The following PDE1C variants were observed in gnomAD, a reference collection of about 807,000 sequenced individuals.
PDE1C encodes the protein dual specificity calcium/calmodulin-dependent 3',5'-cyclic nucleotide phosphodiesterase 1C.
PDE1C carries 62 observed loss-of-function variants against 93.1 expected under a neutral mutation model. The observed-to-expected ratio is 0.67, with a 90% CI of 0.54 to 0.82. The LOEUF is 0.82. PDE1C is among the 40% of genes least tolerant of loss of function. The probability of loss-of-function intolerance (pLI) is 0.00; values close to 1 mark genes in which losing one functional copy is unlikely to be tolerated. For synonymous variants in PDE1C, 325 were observed against 310.1 expected, an observed-to-expected ratio of 1.05 and a Z score of -0.50; for missense variants, 742 against 884.6, an observed-to-expected ratio of 0.84 and a Z score of 2.04.
chr7:32,313,036 T>G (rs1286943018), intron 1 of PDE1C, among the ~76,000 whole-genome samples: 2 of 151,530 alleles, frequency 1.3e-5, no homozygotes, highest in African/African-American at 4.9e-5. Context: ...GAATCTACAA[T>G]GAACTCAAAC....
At chr7:31,958,567 C>T (rs984793168) in intron 2 of PDE1C, among the ~76,000 whole-genome samples, 18 of 152,160 alleles carry the variant, frequency 1.2e-4, no homozygotes, top group Non-Finnish European at 2.6e-4. Flanking sequence ...AAACTGCCTA[C>T]CACAGTGCCT....
At chr7:31,852,690 T>A (rs1171963620) in intron 7 of PDE1C, among the ~76,000 whole-genome samples, 1 of 152,228 alleles carries the variant, frequency 6.6e-6, no homozygotes, top group South Asian at 2.1e-4. Context: ...GCCAGTCATC[T>A]GACAAGCCAC....
chr7:31,628,413 G>A, the PDE1C span, among the ~76,000 whole-genome samples: 4 of 151,742 alleles, frequency 2.6e-5, no homozygotes, highest in Non-Finnish European at 4.4e-5. Flanking sequence ...CTGTCCCCCA[G>A]AATGCAGCTA....
intron 2 of PDE1C, among the ~76,000 whole-genome samples, chr7:32,028,088 T>A (rs1789737268): frequency 6.6e-6 from 1 of 152,158 alleles, no homozygotes; most frequent in African/African-American, 2.4e-5. Flanking sequence ...ACACCCTGAA[T>A]TGCAGACATA....
chr7:32,393,699 T>A (rs914162669), intron 1 of PDE1C, among the ~76,000 whole-genome samples: 6 of 152,224 alleles, frequency 3.9e-5, no homozygotes, highest in African/African-American at 1.4e-4. Flanking sequence ...CTAGACTTTA[T>A]ATAGTTTATT....
intron 15 of PDE1C, among the ~76,000 whole-genome samples, chr7:31,813,404 T>C (rs1004788464): frequency 8.5e-5 from 13 of 152,234 alleles, no homozygotes; most frequent in African/African-American, 2.2e-4. Context: ...TGTCTGGTTG[T>C]GTAAATTCAT....
chr7:32,292,624 C>T (rs1176653280), intron 1 of PDE1C, among the ~76,000 whole-genome samples: 1 of 152,156 alleles, frequency 6.6e-6, no homozygotes, highest in Non-Finnish European at 1.5e-5. Flanking sequence ...TGCCACCTCT[C>T]TAAGATCACA....
At position 32,269,165 on chromosome 7, in the gene PDE1C, A is replaced by G. The variant is rs77120927; in HGVS notation, c.85+29486T>C. On this transcript the variant is annotated intron_variant, in intron 1 of 18. Transcript: ENST00000396193. ...ACAGGAAGCAACCTCAATGTTGCTC[A>G]ATGAAGACTGCCTTAAACCAGTGCT... is the stretch of plus-strand genomic sequence containing the variant. Among the ~76,000 whole-genome samples, 1,275 of 152,324 alleles carry G rather than the reference A, an allele frequency of 8.4e-3. 15 individuals are homozygous for G. The highest frequency in any genetic ancestry group is 0.029 in the African/African-American group (1,206 of 41,562).
chr7:32,201,017 C>T (rs1402429998), intron 2 of PDE1C, among the ~76,000 whole-genome samples: 1 of 152,242 alleles, frequency 6.6e-6, no homozygotes, highest in Non-Finnish European at 1.5e-5. Flanking sequence ...ACATGTGTTA[C>T]TAGATTCCAT....
chr7:31,888,249 C>CAAAAAAAAAAA (rs34112969), intron 2 of PDE1C, among the ~76,000 whole-genome samples: 7 of 44,218 alleles, frequency 1.6e-4, no homozygotes, highest in African/African-American at 5.7e-4. Flanking sequence ...GACTCAGTCT[C>CAAAAAAAAAAA]AAAAAAAAAA....
At chr7:32,279,527 TGATTTGATCA>T (rs1811493514) in intron 1 of PDE1C, among the ~76,000 whole-genome samples, 1 of 152,180 alleles carries the variant, frequency 6.6e-6, no homozygotes, top group Non-Finnish European at 1.5e-5. Context: ...CTAATTACCC[TGATTTGATCA>T]TTATACAATA....
In PDE1C at chr7:32,278,839, G is replaced by A. The variant is rs574719819; in HGVS notation, c.85+19812C>T. The stretch of plus-strand genomic sequence containing the variant: ...TGTCCAGAAAGGGCACAAAGTAACC[G>A]ATAATGAAAAATAAAACTAGTTTTA... On this transcript the variant is annotated intron_variant, in intron 1 of 18. Coordinates refer to the PDE1C transcript ENST00000396193. Among the ~76,000 whole-genome samples, 12 of 152,228 alleles carry A rather than the reference G, an allele frequency of 7.9e-5. No individual in the cohort carries two copies. In the East Asian group the frequency reaches 1.4e-3, roughly 17 times the overall value.
chr7:31,749,228 G>C (rs546855070), downstream of PDE1C, among the ~76,000 whole-genome samples: 97 of 152,116 alleles, frequency 6.4e-4, no homozygotes, highest in African/African-American at 2.2e-3. Flanking sequence ...CCCTACCTTT[G>C]TGAGGTTGAT....
intron 1 of PDE1C, among the ~76,000 whole-genome samples, chr7:32,427,501 G>C (rs1173911396): frequency 6.6e-6 from 1 of 152,166 alleles, no homozygotes; most frequent in African/African-American, 2.4e-5. Flanking sequence ...GAGGAGATGG[G>C]AAAGGTGCTT....
At chr7:32,104,273 T>G (rs1366350495) in intron 3 of PDE1C, among the ~76,000 whole-genome samples, 1 of 152,134 alleles carries the variant, frequency 6.6e-6, no homozygotes, top group Non-Finnish European at 1.5e-5. Flanking sequence ...ACTAAGAAGT[T>G]TCCAGAGAGG....
At chr7:32,124,139 A>G (rs1799444537) in intron 3 of PDE1C, among the ~76,000 whole-genome samples, 1 of 152,210 alleles carries the variant, frequency 6.6e-6, no homozygotes, top group South Asian at 2.1e-4. Flanking sequence ...CTAGGAATAC[A>G]GCTAACAAGG....
intron 6 of PDE1C, among the ~76,000 whole-genome samples, chr7:31,870,244 T>C (rs1357555614): frequency 6.6e-6 from 1 of 151,108 alleles, no homozygotes; most frequent in Admixed American, 6.6e-5. Flanking sequence ...AACAAAATAA[T>C]GAAGATCAGA....
chr7:31,628,722 C>T, the PDE1C span, among the ~76,000 whole-genome samples: 3 of 152,238 alleles, frequency 2.0e-5, no homozygotes, highest in East Asian at 1.9e-4. Context: ...TCCGAAAGTG[C>T]TGGGATTACA....
intron 1 of PDE1C, among the ~76,000 whole-genome samples, chr7:32,309,350 C>T (rs1193070048): frequency 2.0e-5 from 3 of 152,150 alleles, no homozygotes; most frequent in Non-Finnish European, 4.4e-5. Flanking sequence ...GGAGAACTTC[C>T]CCAGTCCAGC....
Sources: allele counts gnomAD v4.1 joint callset (sites outside exome capture counted in the v4.1 genomes callset), GRCh38; gene constraint gnomAD v4.1.1; transcripts MANE v1.5; gene names NCBI Gene and HGNC (gene_info 2026-07-23, HGNC 2026-07-21).